TG: variants seen among roughly 807,000 people sequenced by gnomAD.
The protein encoded by TG is thyroglobulin.
TG carries 270 observed loss-of-function variants against 324.7 expected under a neutral mutation model. The observed-to-expected ratio is 0.83, with a 90% CI of 0.75 to 0.92. The LOEUF is 0.92. Ranked by LOEUF, TG falls within the 40% of genes least tolerant of loss-of-function variation. TG has a pLI of 0.00. For synonymous variants in TG, 1,401 were observed against 1,327.0 expected (o/e 1.06, Z -1.21); for missense variants, 3,591 against 3,456.4 (o/e 1.04, Z -0.98).
chr8:132,956,308 C>G (rs1040076177), intron 27 of TG, among the ~76,000 whole-genome samples: 8 of 152,130 alleles, frequency 5.3e-5, no homozygotes, highest in African/African-American at 9.7e-5. Flanking sequence ...TACTGAACAC[C>G]AGCTCTGTGC....
chr8:132,996,476 T>C (rs72727477), intron 35 of TG, among the ~76,000 whole-genome samples: 4,349 of 152,328 alleles, frequency 0.029, 103 homozygotes, highest in Non-Finnish European at 0.042. Flanking sequence ...CTATTGCTGC[T>C]GTTAAGCACA....
In TG at chr8:132,887,531, T is replaced by C. The variant is rs374424570; in HGVS notation, c.2159T>C (p.Ile720Thr). 77 of 1,614,074 alleles carry C rather than the reference T, an allele frequency of 4.8e-5. No individual in the cohort carries two copies. Among genetic ancestry groups the C allele is most frequent in the Non-Finnish European group, 6.0e-5 (71 of 1,180,044 alleles). The part of the protein sequence containing the change: ...GQAIPGTRSA[I>T]GKPKKCPTPC... Reference sequence around the variant, plus strand: ...GCCATTCCTGGAACTCGAAGTGCAATAGGGAAGCCCAAGAAATGTAAGTCT... The same window carrying C: ...GCCATTCCTGGAACTCGAAGTGCAACAGGGAAGCCCAAGAAATGTAAGTCT... The change falls in exon 9 of 48, where the codon ATA becomes ACA. Residue 720 changes from isoleucine to threonine, a missense_variant. Physicochemically the swap from Ile to Thr is moderately conservative, Grantham distance 89. Transcript: ENST00000220616.
At chr8:133,102,799 C>A in intron 43 of TG, 1 of 491,028 alleles carries the variant, frequency 2.0e-6, no homozygotes, top group East Asian at 3.6e-5. Flanking sequence ...GCACAGGCAT[C>A]TCCAAGGAAG....
rs1852226074 is a variant in TG at position 133,134,779 on chromosome 8, G to T, written c.8292G>T (p.Lys2764Asn). 1.2e-6 allele frequency: 2 copies of T among 1,614,144 alleles called. No individual in the cohort carries two copies. Among genetic ancestry groups the T allele is most frequent in the South Asian group, 1.1e-5 (1 of 91,078 alleles). ...DLLSLQEPGS[K>N]TYSK ...TAAGCCTCCAGGAACCAGGCTCTAA[G>T]ACCTACAGCAAGTGACCAGCCCTTG... Residue 2764 changes from lysine to asparagine, a missense_variant, in exon 48 of 48, where the codon AAG (lysine) becomes AAT (asparagine). Transcript: ENST00000220616.
chr8:132,886,393 C>G, intron 8 of TG, 55 bp from the exon 9 acceptor site: 1 of 1,612,042 alleles, frequency 6.2e-7, no homozygotes, highest in Non-Finnish European at 8.5e-7. Context: ...GGAGCTGTCT[C>G]AGGATTGCTT....
At chr8:132,929,831 TA>T (rs1405782403) in intron 23 of TG, among the ~76,000 whole-genome samples, 7 of 152,138 alleles carry the variant, frequency 4.6e-5, no homozygotes, top group Non-Finnish European at 1.0e-4. Flanking sequence ...GCTATTGAAA[TA>T]AAAAATATTA....
intron 45 of TG, among the ~76,000 whole-genome samples, chr8:133,131,116 G>T (rs1851916028): frequency 6.6e-6 from 1 of 152,186 alleles, no homozygotes; most frequent in Non-Finnish European, 1.5e-5. Context: ...ATGCAGTGGT[G>T]AAATCCATCC....
intron 43 of TG, among the ~76,000 whole-genome samples, chr8:133,097,721 T>A (rs1313226610): frequency 6.6e-6 from 1 of 152,186 alleles, no homozygotes; most frequent in Middle Eastern, 3.2e-3. Flanking sequence ...CCTCTGGAGA[T>A]GTAGAGATGT....
At chr8:132,933,768 G>T in intron 24 of TG, 92 bp downstream of exon 24, 1 of 1,160,634 alleles carries the variant, frequency 8.6e-7, no homozygotes, top group Non-Finnish European at 1.3e-6. Context: ...CCAGGCGATG[G>T]AATGAGGTTG....
At chr8:132,893,345 T>C (rs853313) in intron 10 of TG, among the ~76,000 whole-genome samples, 2 of 136,310 alleles carry the variant, frequency 1.5e-5, no homozygotes, top group Non-Finnish European at 1.6e-5. Flanking sequence ...ATGGTGTGTA[T>C]AGGTGTGTGT....
Position 132,999,534 on chromosome 8 carries a change from T to C in TG, c.6263-12367T>C, listed in dbSNP as rs144920153. 9.8e-5 allele frequency among the ~76,000 whole-genome samples: 15 copies of C among 152,298 alleles called. No individual in the cohort carries two copies. In the East Asian group the frequency reaches 2.7e-3, roughly 28 times the overall value. ...TTCCCAGGTGTGGACTACCCACCCA[T>C]TGAGGTGCATAACGACTGGGTTCAT... On this transcript the variant is annotated intron_variant, in intron 35 of 47. Transcript: ENST00000220616.
At chr8:132,908,778 C>T (rs1819071731) in intron 18 of TG, among the ~76,000 whole-genome samples, 1 of 152,124 alleles carries the variant, frequency 6.6e-6, no homozygotes, top group Non-Finnish European at 1.5e-5. Context: ...TCGGGCCTTG[C>T]TTGAGAGGGA....
intron 41 of TG, chr8:133,047,607 C>T: frequency 1.8e-6 from 1 of 567,050 alleles, no homozygotes. Context: ...TGATGTTGGC[C>T]AGGCCCGTGG....
intron 5 of TG, among the ~76,000 whole-genome samples, chr8:132,877,608 A>G (rs1331417726): frequency 1.3e-5 from 2 of 152,234 alleles, no homozygotes; most frequent in Admixed American, 1.3e-4. Flanking sequence ...CCAGATGCCC[A>G]GTGGAGACCA....
In TG at chr8:132,888,450, G is replaced by A; in HGVS notation, c.2643G>A (p.Gly881=). 6.2e-7 allele frequency: 1 copy of A among 1,612,222 alleles called. No individual in the cohort carries two copies. The highest frequency in any genetic ancestry group is 8.5e-7 in the Non-Finnish European group (1 of 1,178,784). The part of the protein sequence containing the change: ...ILNGQLSQYP[G]SYSDFSTPLA... ...ATGGCCAACTCAGCCAATACCCGGG[G>A]TCCTACTCAGACTTCAGCACTCCTT... Residue 881 remains glycine, a synonymous_variant, in exon 10 of 48, where the codon GGG becomes GGA. Coordinates refer to ENST00000220616, the MANE Select transcript of TG (RefSeq NM_003235.5).
intron 35 of TG, chr8:132,995,299 A>G (rs1832767203): frequency 5.1e-6 from 5 of 984,792 alleles, no homozygotes; most frequent in Non-Finnish European, 6.0e-6. Context: ...TACCCACCAC[A>G]TACAGCAAGT....
intron 20 of TG, 52 bp from the exon 21 acceptor site, chr8:132,919,324 A>G: frequency 6.3e-7 from 1 of 1,583,770 alleles, no homozygotes; most frequent in Non-Finnish European, 8.6e-7. Flanking sequence ...TGGGATTGTA[A>G]CTGTGAAGCA....
chr8:132,889,566 C>G (rs780734065), intron 10 of TG, among the ~76,000 whole-genome samples: 2 of 152,156 alleles, frequency 1.3e-5, no homozygotes, highest in Non-Finnish European at 2.9e-5. Context: ...GCAATAGAAC[C>G]CTCAAGGTTA....
At chr8:132,956,125 A>G (rs1475890125) in intron 27 of TG, among the ~76,000 whole-genome samples, 3 of 152,310 alleles carry the variant, frequency 2.0e-5, no homozygotes, top group South Asian at 2.1e-4. Context: ...ATTCTATTCT[A>G]TTAGGGAAAT....
Sources: allele counts gnomAD v4.1 joint callset (sites outside exome capture counted in the v4.1 genomes callset), GRCh38; gene constraint gnomAD v4.1.1; transcripts MANE v1.5; gene names NCBI Gene and HGNC (gene_info 2026-07-23, HGNC 2026-07-21).